Variants in SORCS3 observed in about 807,000 individuals in gnomAD.
SORCS3 encodes the protein VPS10 domain-containing receptor SorCS3.
SORCS3 carries 57 observed loss-of-function variants against 146.3 expected under a neutral mutation model. That is an observed-to-expected ratio of 0.39 (90% confidence interval 0.31 to 0.49). The LOEUF (loss-of-function observed/expected upper bound fraction) is 0.49, where lower values mean the gene tolerates loss of function less well. Among genes scored for constraint, SORCS3 ranks in the 20% least tolerant of loss-of-function variants. The pLI is 0.92. For missense variants in SORCS3, 1,341 were observed against 1,575.5 expected (o/e 0.85, Z 2.52); for synonymous variants, 653 against 618.5 (o/e 1.06, Z -0.83).
At chr10:104,784,355 C>T (rs941650101) in intron 1 of SORCS3, among the ~76,000 whole-genome samples, 2 of 152,162 alleles carry the variant, frequency 1.3e-5, no homozygotes, top group African/African-American at 4.8e-5. Context: ...CCAGGACAGT[C>T]ACCTCCAACC....
At chr10:105,145,616 G>A (rs1407897715) in intron 8 of SORCS3, among the ~76,000 whole-genome samples, 1 of 152,122 alleles carries the variant, frequency 6.6e-6, no homozygotes, top group African/African-American at 2.4e-5. Flanking sequence ...TCCTGCAGCT[G>A]TGATTTCCCC....
At chr10:105,178,787 T>C (rs993906243) in intron 14 of SORCS3, among the ~76,000 whole-genome samples, 3 of 152,188 alleles carry the variant, frequency 2.0e-5, no homozygotes, top group Non-Finnish European at 4.4e-5. Flanking sequence ...CAACCAATAC[T>C]GTCCCCCACC....
chr10:105,077,428 A>C (rs1053558242), intron 5 of SORCS3, among the ~76,000 whole-genome samples: 2 of 151,990 alleles, frequency 1.3e-5, no homozygotes, highest in Non-Finnish European at 2.9e-5. Flanking sequence ...GGCAATAACT[A>C]TCCAGGTGTC....
At chr10:105,231,199 T>C (rs965971443) in intron 20 of SORCS3, among the ~76,000 whole-genome samples, 1 of 152,212 alleles carries the variant, frequency 6.6e-6, no homozygotes, top group Admixed American at 6.5e-5. Flanking sequence ...CTATTCAAAG[T>C]GTGATTGTCT....
intron 1 of SORCS3, among the ~76,000 whole-genome samples, chr10:104,744,357 T>A (rs1376974512): frequency 6.6e-6 from 1 of 152,220 alleles, no homozygotes; most frequent in Non-Finnish European, 1.5e-5. Context: ...GTGAATCTGT[T>A]GAATGAGATT....
chr10:104,828,891 C>G (rs577394063), intron 1 of SORCS3, among the ~76,000 whole-genome samples: 1 of 152,268 alleles, frequency 6.6e-6, no homozygotes, highest in Non-Finnish European at 1.5e-5. Flanking sequence ...CCACCTTGAG[C>G]TCTCCCTTCT....
At chr10:105,165,528 C>T (rs750292595) in intron 12 of SORCS3, among the ~76,000 whole-genome samples, 2 of 152,050 alleles carry the variant, frequency 1.3e-5, no homozygotes, top group Non-Finnish European at 1.5e-5. Flanking sequence ...CAAGTACTTA[C>T]GAGACAAAAG....
chr10:105,084,264 G>T (rs192239261), intron 5 of SORCS3, among the ~76,000 whole-genome samples: 6 of 152,230 alleles, frequency 3.9e-5, no homozygotes, highest in Admixed American at 3.9e-4. Flanking sequence ...TTCATTTTGA[G>T]GATTAATGAA....
chr10:104,896,995 G>A (rs1275714342), intron 2 of SORCS3, among the ~76,000 whole-genome samples: 1 of 152,114 alleles, frequency 6.6e-6, no homozygotes, highest in African/African-American at 2.4e-5. Context: ...GCAGGTGATG[G>A]GTTTAAAACT....
intron 4 of SORCS3, among the ~76,000 whole-genome samples, chr10:104,999,877 T>C (rs1432487301): frequency 2.6e-5 from 4 of 152,038 alleles, no homozygotes; most frequent in Non-Finnish European, 4.4e-5. Flanking sequence ...ATCCCAGGGG[T>C]TTTCATATGG....
chr10:105,125,690 C>G (rs1009830115), intron 7 of SORCS3, among the ~76,000 whole-genome samples: 1 of 151,810 alleles, frequency 6.6e-6, no homozygotes. Flanking sequence ...CACACACACA[C>G]ACACACACAC....
In SORCS3 at chr10:105,065,122, T is replaced by C. The variant is rs140069866; in HGVS notation, c.1028+21994T>C. 2.3e-3 allele frequency among the ~76,000 whole-genome samples: 348 copies of C among 152,248 alleles called. 3 individuals carry two copies. The highest frequency in any genetic ancestry group is 8.1e-3 in the African/African-American group (335 of 41,548). On this transcript the variant is annotated intron_variant, in intron 5 of 26. Transcript: ENST00000369701. ...GAGTGAATATGGGGAGATTCAGTCA[T>C]TGTGGCTGACATCAGTAGCCCTGGT...
chr10:104,730,365 C>A (rs2016692278), intron 1 of SORCS3, among the ~76,000 whole-genome samples: 1 of 152,192 alleles, frequency 6.6e-6, no homozygotes, highest in Non-Finnish European at 1.5e-5. Flanking sequence ...CCCGTCTGTA[C>A]TACTGTGCTG....
At chr10:104,821,176 G>T (rs1373418820) in intron 1 of SORCS3, among the ~76,000 whole-genome samples, 1 of 152,160 alleles carries the variant, frequency 6.6e-6, no homozygotes, top group Non-Finnish European at 1.5e-5. Flanking sequence ...ATACTCTGTT[G>T]GTTGAAGCAG....
intron 1 of SORCS3, among the ~76,000 whole-genome samples, chr10:104,731,128 C>G (rs2016701599): frequency 1.3e-5 from 2 of 152,222 alleles, no homozygotes; most frequent in African/African-American, 4.8e-5. Context: ...GTCTGGTTGT[C>G]TGGTGTCTCC....
At chr10:104,851,270 G>A (rs564211858) in intron 2 of SORCS3, among the ~76,000 whole-genome samples, 6 of 152,260 alleles carry the variant, frequency 3.9e-5, no homozygotes, top group East Asian at 1.9e-4. Context: ...GGACTGCAGC[G>A]TGCATAAATC....
intron 1 of SORCS3, among the ~76,000 whole-genome samples, chr10:104,661,845 A>T (rs1186301405): frequency 3.9e-5 from 6 of 152,204 alleles, no homozygotes; most frequent in African/African-American, 1.4e-4. Flanking sequence ...GGAACTTAAA[A>T]TCTAAGAGAA....
chr10:104,939,158 G>T (rs778090557), intron 3 of SORCS3, among the ~76,000 whole-genome samples: 27 of 152,206 alleles, frequency 1.8e-4, no homozygotes, highest in Admixed American at 3.3e-4. Flanking sequence ...AGTACCTCTG[G>T]CTGGAGGAGA....
chr10:104,785,262 C>G (rs2017420875), intron 1 of SORCS3, among the ~76,000 whole-genome samples: 1 of 147,036 alleles, frequency 6.8e-6, no homozygotes, highest in African/African-American at 2.5e-5. Flanking sequence ...CCTTGGGATC[C>G]TGTTGATCTG....
Sources: gnomAD v4.1 joint callset for allele counts (sites outside exome capture counted in the v4.1 genomes callset) on GRCh38, gnomAD v4.1.1 for gene constraint, MANE v1.5 for transcripts, NCBI Gene and HGNC (gene_info 2026-07-23, HGNC 2026-07-21) for gene names.